Variants in CBR4 observed in about 807,000 individuals in gnomAD.
The protein encoded by CBR4 is 3-oxoacyl-[acyl-carrier-protein] reductase.
Under a neutral mutation model 21.0 loss-of-function variants are expected in CBR4, and 22 were observed. The ratio of observed to expected loss-of-function variants is 1.05; its 90% confidence interval spans 0.75 to 1.50. The LOEUF is 1.50. Ranked by LOEUF, CBR4 falls within the 40% of genes most tolerant of loss-of-function variation. The pLI, the probability that CBR4 is intolerant of heterozygous loss-of-function variation, is 0.00. For synonymous variants in CBR4, 100 were observed against 104.4 expected (o/e 0.96, Z 0.26); for missense variants, 302 against 286.3 (o/e 1.05, Z -0.40).
intron 2 of CBR4, among the ~76,000 whole-genome samples, chr4:168,917,054 T>G (rs1195954728): frequency 6.0e-5 from 9 of 149,008 alleles, no homozygotes; most frequent in East Asian, 3.9e-4. Context: ...TTGGGGTTTT[T>G]TTTTTTTTTT....
At chr4:168,940,418 A>AC (rs1480275647) in intron 2 of CBR4, among the ~76,000 whole-genome samples, 1 of 152,262 alleles carries the variant, frequency 6.6e-6, no homozygotes, top group Non-Finnish European at 1.5e-5. Context: ...AGCAATGGCA[A>AC]CAAAAGCCAA....
chr4:168,947,527 C>T (rs1296906442), intron 2 of CBR4, among the ~76,000 whole-genome samples: 1 of 152,122 alleles, frequency 6.6e-6, no homozygotes, highest in Non-Finnish European at 1.5e-5. Context: ...ATCGTTTATT[C>T]CTCACCCCTC....
intron 2 of CBR4, chr4:168,925,354 T>C: frequency 8.9e-7 from 1 of 1,119,342 alleles, no homozygotes; most frequent in South Asian, 1.2e-5. Context: ...TAGTTGTGGC[T>C]TCCTTACTCA....
intron 3 of CBR4, among the ~76,000 whole-genome samples, chr4:169,003,581 G>A (rs1333828427): frequency 2.0e-5 from 3 of 152,208 alleles, no homozygotes; most frequent in Non-Finnish European, 4.4e-5. Flanking sequence ...AATTTTTAAA[G>A]ATCTACTTGC....
chr4:168,967,341 C>T lies in CBR4; in HGVS notation n.169+34730G>A, dbSNP rs536769839. On this transcript the variant is annotated intron_variant and non_coding_transcript_variant, in intron 2 of 3. Transcript: ENST00000509108. ...TGGACACAGGGCGGGGAACATTACA[C>T]ATCGGGGCCTGTCAGGGGGTTGGGG... Among the ~76,000 whole-genome samples the T allele has an allele frequency of 5.3e-5, 8 of 151,962 alleles. No homozygotes were observed. The South Asian group carries it at 1.5e-3, about 28-fold the overall frequency.
intron 2 of CBR4, chr4:168,928,352 C>CATACTACTTTGG: frequency 5.5e-6 from 1 of 182,726 alleles, no homozygotes; most frequent in Non-Finnish European, 1.2e-5. Context: ...ATCAATCAAT[C>CATACTACTTTGG]ATACTACTTT....
At chr4:168,922,244 A>C (rs1437446326) in intron 2 of CBR4, among the ~76,000 whole-genome samples, 1 of 152,066 alleles carries the variant, frequency 6.6e-6, no homozygotes, top group Non-Finnish European at 1.5e-5. Flanking sequence ...AATTCTGTAA[A>C]AGTGCTGTTA....
intron 2 of CBR4, among the ~76,000 whole-genome samples, chr4:168,945,502 G>C (rs1361324581): frequency 2.6e-5 from 4 of 152,130 alleles, no homozygotes; most frequent in Non-Finnish European, 5.9e-5. Context: ...TAGGAACTTT[G>C]TTTTTCTTGA....
chr4:168,957,552 G>C (rs1283134561), intron 2 of CBR4, among the ~76,000 whole-genome samples: 1 of 152,078 alleles, frequency 6.6e-6, no homozygotes, highest in Non-Finnish European at 1.5e-5. Context: ...CCACGAAACT[G>C]CTACCAGAAT....
At chr4:168,983,178 T>C (rs1383538362), downstream of CBR4, among the ~76,000 whole-genome samples, 1 of 152,016 alleles carries the variant, frequency 6.6e-6, no homozygotes, top group Non-Finnish European at 1.5e-5. Flanking sequence ...GCTATACTAA[T>C]TTTTTTAAAA....
intron 4 of CBR4, among the ~76,000 whole-genome samples, chr4:169,000,817 G>T (rs1171014798): frequency 6.6e-6 from 1 of 151,952 alleles, no homozygotes; most frequent in Non-Finnish European, 1.5e-5. Flanking sequence ...ATTAATCCAG[G>T]CAATTTTATC....
At position 168,916,093 on chromosome 4, in the gene CBR4, A is replaced by G. The variant is rs185765257; in HGVS notation, n.170-21328T>C. On this transcript the variant is annotated intron_variant and non_coding_transcript_variant, in intron 2 of 3. Transcript: ENST00000509108. ...TCTCCCTCACTTGCCATTTCTCTAT[A>G]GTTCCTTTTGGGGAAATTACATAAA... The G allele has an allele frequency of 7.3e-4, 1,080 of 1,471,800 alleles. 1 individual carries two copies. The highest frequency in any genetic ancestry group is 1.1e-3 in the Admixed American group (67 of 59,826). 91.2% of individuals were successfully genotyped at this position (1,471,800 alleles called of 1,614,324 possible).
At chr4:168,980,965 C>T (rs1160402856) in intron 2 of CBR4, among the ~76,000 whole-genome samples, 2 of 152,080 alleles carry the variant, frequency 1.3e-5, no homozygotes, top group Non-Finnish European at 2.9e-5. Flanking sequence ...AAGGAAATGG[C>T]TGAAATGACA....
intron 2 of CBR4, among the ~76,000 whole-genome samples, chr4:168,941,922 C>T (rs571575287): frequency 1.3e-5 from 2 of 152,066 alleles, no homozygotes; most frequent in Non-Finnish European, 2.9e-5. Context: ...ACTATAAAGA[C>T]ACATGCACAT....
At chr4:168,969,705 G>A (rs1021902505) in intron 2 of CBR4, among the ~76,000 whole-genome samples, 2 of 152,038 alleles carry the variant, frequency 1.3e-5, no homozygotes, top group Non-Finnish European at 2.9e-5. Flanking sequence ...CAACAAAAAC[G>A]GACCTCTCAT....
chr4:168,991,165 C>T (rs1764904634), intron 4 of CBR4, among the ~76,000 whole-genome samples: 1 of 152,134 alleles, frequency 6.6e-6, no homozygotes, highest in Non-Finnish European at 1.5e-5. Context: ...ATATCTGACC[C>T]CCAAGTATCT....
downstream of CBR4, among the ~76,000 whole-genome samples, chr4:168,983,734 G>C (rs971964889): frequency 7.9e-5 from 12 of 152,004 alleles, no homozygotes; most frequent in African/African-American, 2.9e-4. Flanking sequence ...CTTTATTCCT[G>C]GGATGCAAGG....
At chr4:168,965,407 C>T (rs913345660) in intron 2 of CBR4, among the ~76,000 whole-genome samples, 1 of 151,918 alleles carries the variant, frequency 6.6e-6, no homozygotes, top group East Asian at 1.9e-4. Flanking sequence ...CTACTTTAAA[C>T]TTCATATGGA....
At chr4:168,963,192 G>T (rs896376844) in intron 2 of CBR4, among the ~76,000 whole-genome samples, 15 of 152,158 alleles carry the variant, frequency 9.9e-5, no homozygotes, top group Non-Finnish European at 2.1e-4. Flanking sequence ...TTAAATTGTG[G>T]TTGATTTCAG....
Sources: allele counts gnomAD v4.1 joint callset (sites outside exome capture counted in the v4.1 genomes callset), GRCh38; gene constraint gnomAD v4.1.1; transcripts MANE v1.5; gene names NCBI Gene and HGNC (gene_info 2026-07-23, HGNC 2026-07-21).